RARS2: variants seen among roughly 807,000 people sequenced by gnomAD.
The protein encoded by RARS2 is probable arginine--tRNA ligase, mitochondrial.
In RARS2, 67 loss-of-function variants were observed where a neutral mutation model predicts 88.5. The ratio of observed to expected loss-of-function variants is 0.76; its 90% CI spans 0.62 to 0.93. RARS2 has a LOEUF of 0.93. RARS2 is among the 40% of genes least tolerant of loss of function. The pLI is 0.00. For missense variants in RARS2, 664 were observed against 684.2 expected (o/e 0.97, Z 0.33); for synonymous variants, 239 against 230.3 (o/e 1.04, Z -0.34).
intron 19 of RARS2, 64 bp from the exon 20 acceptor site, chr6:87,514,563 A>G (rs1770909020): frequency 2.2e-6 from 3 of 1,350,834 alleles, no homozygotes; most frequent in Non-Finnish European, 3.2e-6. Flanking sequence ...AATACATGAG[A>G]ATGGTTTTAA....
intron 6 of RARS2, among the ~76,000 whole-genome samples, chr6:87,546,401 G>A (rs930513526): frequency 6.6e-6 from 1 of 152,184 alleles, no homozygotes; most frequent in African/African-American, 2.4e-5. Context: ...TTTATGACAA[G>A]CACAGTGGTG....
At chr6:87,530,502 T>C (rs939246838) in intron 9 of RARS2, among the ~76,000 whole-genome samples, 2 of 152,084 alleles carry the variant, frequency 1.3e-5, no homozygotes, top group Admixed American at 1.3e-4. Context: ...AACCATCACA[T>C]ACCAGCCTAA....
At chr6:87,547,356 C>T (rs190429846) in intron 6 of RARS2, among the ~76,000 whole-genome samples, 68 of 152,320 alleles carry the variant, frequency 4.5e-4, no homozygotes, top group Non-Finnish European at 5.6e-4. Flanking sequence ...GCACAACAAT[C>T]TATGCCACAA....
Position 87,584,787 on chromosome 6 carries a change from A to G in RARS2, c.36+5135T>C, listed in dbSNP as rs1774636012. ...AGGAAGCTAAGAGACAAGATGATGA[A>G]TCCTTGTGCAGTTATCTACCCCAAG... On this transcript the variant is annotated intron_variant, in intron 1 of 19. Transcript: ENST00000369536. 1.1e-5 allele frequency: 5 copies of G among 451,238 alleles called. No individual in the cohort carries two copies. The Admixed American group carries it at 1.2e-4, about 11-fold the overall frequency. The allele number at this position is 451,238 out of a possible 1,614,324, so 28.0% of individuals were successfully genotyped here. A position where few individuals can be genotyped will look rare whatever the true frequency, so the allele number is the denominator to read the frequency against.
intron 14 of RARS2, chr6:87,519,180 A>ATGTGTGTG (rs760974531): frequency 5.0e-5 from 10 of 200,976 alleles, no homozygotes; most frequent in East Asian, 1.2e-4. Context: ...ATATATAAAT[A>ATGTGTGTG]TATATGTGTG....
At chr6:87,547,104 A>C (rs1328735843) in intron 6 of RARS2, among the ~76,000 whole-genome samples, 1 of 152,220 alleles carries the variant, frequency 6.6e-6, no homozygotes, top group Non-Finnish European at 1.5e-5. Context: ...GCTGTTATAA[A>C]ATTGAATGAT....
At chr6:87,569,021 AGTT>A (rs1350710733) in intron 2 of RARS2, among the ~76,000 whole-genome samples, 1 of 152,216 alleles carries the variant, frequency 6.6e-6, no homozygotes, top group Non-Finnish European at 1.5e-5. Flanking sequence ...AGCAACTATT[AGTT>A]GTGTGTAGTC....
At chr6:87,551,193 T>G (rs979205262) in intron 5 of RARS2, among the ~76,000 whole-genome samples, 1 of 152,178 alleles carries the variant, frequency 6.6e-6, no homozygotes, top group African/African-American at 2.4e-5. Context: ...GAGAAGGGAA[T>G]ACAATGAAAT....
chr6:87,550,735 C>T (rs1400995455), intron 5 of RARS2, among the ~76,000 whole-genome samples: 8 of 122,094 alleles, frequency 6.6e-5, no homozygotes. Context: ...GAATAGAATA[C>T]AATGGAACAA....
Position 87,518,722 on chromosome 6 carries a change from G to T in RARS2, c.1323C>A (p.Leu441=). ...ALIIQDFKGL[L]LSDYKFSWDR... is the part of the protein sequence containing the mutation. ...CCCAGCTGAACTTGTAGTCAGATAAGAGTAAACCTTTGAAGTCCTAAAACG... is the reference window on the plus strand; with the variant it reads ...CCCAGCTGAACTTGTAGTCAGATAATAGTAAACCTTTGAAGTCCTAAAACG... The change falls in exon 16 of 20, where the codon CTC becomes CTA. Residue 441 remains leucine (L), a synonymous_variant. Transcript: ENST00000369536. 1 of 1,614,088 alleles carries T rather than the reference G, an allele frequency of 6.2e-7. No individual in the cohort carries two copies. The highest frequency in any genetic ancestry group is 8.5e-7 in the Non-Finnish European group (1 of 1,179,954).
intron 5 of RARS2, 106 bp downstream of exon 5, chr6:87,555,302 A>C (rs1226999696): frequency 3.7e-6 from 3 of 818,248 alleles, no homozygotes; most frequent in Non-Finnish European, 6.2e-6. Context: ...ACTGGTTTTC[A>C]AGTTTTCCAC....
chr6:87,588,846 T>C (rs1393248482), intron 1 of RARS2, among the ~76,000 whole-genome samples: 1 of 152,156 alleles, frequency 6.6e-6, no homozygotes, highest in African/African-American at 2.4e-5. Flanking sequence ...CCTTAAGCCA[T>C]ACCCATCAGT....
At chr6:87,518,105 A>C in intron 17 of RARS2, 64 bp downstream of exon 17, 3 of 1,613,492 alleles carry the variant, frequency 1.9e-6, no homozygotes, top group Non-Finnish European at 2.5e-6. Context: ...ACTGGGCAGC[A>C]AAAATGCTAA....
Position 87,559,595 on chromosome 6 carries a change from G to T in RARS2, c.297+3107C>A, listed in dbSNP as rs568433168. On this transcript the variant is annotated intron_variant, in intron 4 of 19. Coordinates refer to ENST00000369536, the MANE Select transcript of RARS2 (RefSeq NM_020320.5). ...AGCCCTAACACTCCTGGGCTCAAGT[G>T]ATTCTCCTGCCTCAGCCTCTCAAAG... Among the ~76,000 whole-genome samples the T allele has an allele frequency of 3.9e-5, 6 of 152,086 alleles. No homozygotes were observed. The South Asian group carries it at 1.3e-3, about 32-fold the overall frequency.
intron 4 of RARS2, among the ~76,000 whole-genome samples, chr6:87,561,417 CTT>C (rs1383981949): frequency 2.0e-5 from 3 of 152,198 alleles, no homozygotes; most frequent in Admixed American, 6.5e-5. Flanking sequence ...CAAACTCCCT[CTT>C]CTTTCCCTTT....
At chr6:87,518,947 A>T in intron 14 of RARS2, 56 bp from the exon 15 acceptor site, 1 of 1,555,524 alleles carries the variant, frequency 6.4e-7, no homozygotes, top group Non-Finnish European at 8.9e-7. Flanking sequence ...CCAATCATGG[A>T]TCCAAGTGAA....
At chr6:87,568,605 T>TATAATC (rs1173271257) in intron 2 of RARS2, among the ~76,000 whole-genome samples, 3 of 152,196 alleles carry the variant, frequency 2.0e-5, no homozygotes, top group African/African-American at 7.2e-5. Context: ...TCTATTTACA[T>TATAATC]ATAATCATGA....
intron 4 of RARS2, among the ~76,000 whole-genome samples, chr6:87,558,762 C>T (rs1786849573): frequency 6.6e-6 from 1 of 152,154 alleles, no homozygotes; most frequent in Non-Finnish European, 1.5e-5. Flanking sequence ...CATCATGATA[C>T]TTGATAATAA....
intron 1 of RARS2, 38 bp from the exon 2 acceptor site, chr6:87,569,628 C>A: frequency 6.7e-7 from 1 of 1,496,502 alleles, no homozygotes; most frequent in South Asian, 1.1e-5. Context: ...TAAGATTGTT[C>A]ACATATTTGT....
Sources: allele counts gnomAD v4.1 joint callset (sites outside exome capture counted in the v4.1 genomes callset), GRCh38; gene constraint gnomAD v4.1.1; transcripts MANE v1.5; gene names NCBI Gene and HGNC (gene_info 2026-07-23, HGNC 2026-07-21).